The following IFNG-AS1 variants were observed in gnomAD, a reference collection of about 807,000 sequenced individuals.
The protein encoded by IFNG-AS1 is IFNG regulatory antisense RNA 1.
At chr12:67,990,721 T>C (rs1245021583) in intron 1 of IFNG-AS1, among the ~76,000 whole-genome samples, 2 of 152,028 alleles carry the variant, frequency 1.3e-5, no homozygotes, top group African/African-American at 4.8e-5. Flanking sequence ...AGCCTCCCAA[T>C]GGCTGGGATT....
chr12:68,000,182 T>G (rs1879735535), intron 2 of IFNG-AS1, among the ~76,000 whole-genome samples: 1 of 152,144 alleles, frequency 6.6e-6, no homozygotes, highest in Non-Finnish European at 1.5e-5. Context: ...AGAAGTTTGG[T>G]AAAAGGTATA....
chr12:68,002,806 G>A (rs1879799770), intron 2 of IFNG-AS1, among the ~76,000 whole-genome samples: 1 of 152,176 alleles, frequency 6.6e-6, no homozygotes, highest in African/African-American at 2.4e-5. Flanking sequence ...ATCCAAAGGA[G>A]CCTTCCTGGG....
Position 67,993,393 on chromosome 12 carries a change from A to G in IFNG-AS1, n.52-2548A>G, listed in dbSNP as rs546987118. Among the ~76,000 whole-genome samples the G allele has an allele frequency of 2.0e-5, 3 of 152,306 alleles. No individual in the cohort carries two copies. In the East Asian group the frequency reaches 5.8e-4, roughly 29 times the overall value. On this transcript the variant is annotated intron_variant and non_coding_transcript_variant, in intron 1 of 5. Coordinates refer to ENST00000536914, the Ensembl canonical transcript of IFNG-AS1. ...TATAGTTATAAAATACACATCTTAA[A>G]CCATTTATAAAAGGTCATTGAGGAA...
chr12:67,997,263 A>G (rs1045703628), intron 2 of IFNG-AS1, among the ~76,000 whole-genome samples: 3 of 152,130 alleles, frequency 2.0e-5, no homozygotes, highest in African/African-American at 7.2e-5. Context: ...TAAAGTCTTC[A>G]TAATTAAGAG....
At chr12:68,017,365 C>A (rs1398656243) in intron 3 of IFNG-AS1, among the ~76,000 whole-genome samples, 1 of 152,158 alleles carries the variant, frequency 6.6e-6, no homozygotes, top group Non-Finnish European at 1.5e-5. Flanking sequence ...ATGATCCCAT[C>A]ACTGTAGCAG....
At chr12:67,998,598 C>T (rs1048522468) in intron 2 of IFNG-AS1, among the ~76,000 whole-genome samples, 14 of 151,924 alleles carry the variant, frequency 9.2e-5, no homozygotes, top group African/African-American at 3.4e-4. Context: ...ACAGTTCTGA[C>T]TTTTAGAAAC....
intron 3 of IFNG-AS1, among the ~76,000 whole-genome samples, chr12:68,013,976 G>A (rs918721675): frequency 2.0e-5 from 3 of 152,100 alleles, no homozygotes; most frequent in African/African-American, 7.2e-5. Flanking sequence ...AAAGTCCATT[G>A]TATCATTCTT....
At chr12:67,994,273 TTAAA>T (rs1206291571) in intron 1 of IFNG-AS1, among the ~76,000 whole-genome samples, 2 of 152,180 alleles carry the variant, frequency 1.3e-5, no homozygotes, top group African/African-American at 4.8e-5. Flanking sequence ...AGAGAATGAG[TTAAA>T]TGAATGCTTT....
At chr12:68,011,140 C>G (rs1452530725) in intron 3 of IFNG-AS1, among the ~76,000 whole-genome samples, 1 of 152,090 alleles carries the variant, frequency 6.6e-6, no homozygotes, top group Non-Finnish European at 1.5e-5. Context: ...TCCTAAGGCA[C>G]AGTAACAACA....
chr12:68,014,251 G>A (rs1401608907), intron 3 of IFNG-AS1, among the ~76,000 whole-genome samples: 1 of 152,196 alleles, frequency 6.6e-6, no homozygotes, highest in African/African-American at 2.4e-5. Context: ...CTATAAACGT[G>A]TGTGCAAGTA....
intron 3 of IFNG-AS1, among the ~76,000 whole-genome samples, chr12:68,013,143 A>G (rs1474839192): frequency 6.6e-6 from 1 of 152,234 alleles, no homozygotes; most frequent in Admixed American, 6.5e-5. Context: ...TGAATATATC[A>G]TTATCCAATT....
intron 3 of IFNG-AS1, among the ~76,000 whole-genome samples, chr12:68,011,190 C>A (rs1461082104): frequency 6.6e-6 from 1 of 152,162 alleles, no homozygotes; most frequent in African/African-American, 2.4e-5. Flanking sequence ...AATAAATAAC[C>A]ATCTCATCGT....
chr12:68,011,242 A>G (rs547115640), intron 3 of IFNG-AS1, among the ~76,000 whole-genome samples: 2 of 152,360 alleles, frequency 1.3e-5, no homozygotes, highest in South Asian at 4.1e-4. Context: ...TCTTTGCCAC[A>G]TCAGCCCACT....
At chr12:68,002,653 C>A (rs185013899) in intron 2 of IFNG-AS1, among the ~76,000 whole-genome samples, 1 of 152,316 alleles carries the variant, frequency 6.6e-6, no homozygotes. Context: ...TATCTCTATT[C>A]TCTGCATGAG....
At chr12:67,990,882 G>A (rs747594681) in intron 1 of IFNG-AS1, among the ~76,000 whole-genome samples, 3 of 151,528 alleles carry the variant, frequency 2.0e-5, no homozygotes, top group Admixed American at 6.6e-5. Flanking sequence ...ATGAGCCACC[G>A]CTACATAAAT....
intron 3 of IFNG-AS1, among the ~76,000 whole-genome samples, chr12:68,018,858 A>G (rs1303180027): frequency 6.6e-6 from 1 of 151,932 alleles, no homozygotes; most frequent in African/African-American, 2.4e-5. Context: ...TCCAAACACC[A>G]TTAGGCAAAC....
At chr12:67,999,122 A>G (rs1256564142) in intron 2 of IFNG-AS1, among the ~76,000 whole-genome samples, 1 of 152,156 alleles carries the variant, frequency 6.6e-6, no homozygotes, top group East Asian at 1.9e-4. Context: ...TAGATAATAG[A>G]TAAGATAGAT....
At chr12:68,012,821 C>A (rs1001088663) in intron 3 of IFNG-AS1, among the ~76,000 whole-genome samples, 2 of 152,140 alleles carry the variant, frequency 1.3e-5, no homozygotes, top group Admixed American at 6.5e-5. Context: ...GATGAGGAGG[C>A]CTTTGCTATC....
intron 2 of IFNG-AS1, chr12:68,001,418 C>A: frequency 4.6e-6 from 1 of 219,098 alleles, no homozygotes; most frequent in South Asian, 7.7e-5. Flanking sequence ...GAGTCTTCTC[C>A]AATGTCTCCT....
Sources: gnomAD v4.1 joint callset for allele counts (sites outside exome capture counted in the v4.1 genomes callset) on GRCh38, gnomAD v4.1.1 for gene constraint, MANE v1.5 for transcripts, NCBI Gene and HGNC (gene_info 2026-07-23, HGNC 2026-07-21) for gene names.